DOCK2: variants seen among roughly 807,000 people sequenced by gnomAD.
DOCK2 encodes dedicator of cytokinesis protein 2.
DOCK2 carries 87 observed loss-of-function variants against 248.9 expected under a neutral mutation model. The observed-to-expected ratio is 0.35, with a 90% CI of 0.29 to 0.42. DOCK2 has a LOEUF of 0.42. Ranked by LOEUF, DOCK2 falls within the 10% of genes least tolerant of loss-of-function variation. DOCK2 has a pLI of 1.00. For missense variants in DOCK2, 1,747 were observed against 2,300.2 expected (o/e 0.76, Z 4.92); for synonymous variants, 805 against 821.6 (o/e 0.98, Z 0.35).
chr5:169,846,602 A>T (rs1358222233), intron 27 of DOCK2, among the ~76,000 whole-genome samples: 1 of 79,312 alleles, frequency 1.3e-5, no homozygotes, highest in African/African-American at 9.5e-5. Flanking sequence ...ATATATACAC[A>T]CACATATACA....
At chr5:169,690,527 G>C (rs1760235259) in intron 9 of DOCK2, among the ~76,000 whole-genome samples, 1 of 152,206 alleles carries the variant, frequency 6.6e-6, no homozygotes, top group African/African-American at 2.4e-5. Flanking sequence ...CAGAGGCATG[G>C]AATGGGATCA....
At chr5:169,966,271 G>A (rs1199582707) in intron 27 of DOCK2, among the ~76,000 whole-genome samples, 1 of 152,128 alleles carries the variant, frequency 6.6e-6, no homozygotes, top group African/African-American at 2.4e-5. Context: ...GGCTGCAAAT[G>A]TGTACAGTAA....
chr5:169,978,697 G>A (rs1037871329), intron 27 of DOCK2, among the ~76,000 whole-genome samples: 3 of 151,936 alleles, frequency 2.0e-5, no homozygotes, highest in Admixed American at 6.6e-5. Context: ...ACCTCCCTAC[G>A]TCCCGAAGGG....
At chr5:169,943,566 A>G (rs1450464205) in intron 27 of DOCK2, among the ~76,000 whole-genome samples, 1 of 152,214 alleles carries the variant, frequency 6.6e-6, no homozygotes, top group Non-Finnish European at 1.5e-5. Flanking sequence ...TTTTCACAAG[A>G]TTACACATGC....
intron 27 of DOCK2, among the ~76,000 whole-genome samples, chr5:169,913,932 TTG>T (rs1774741695): frequency 1.3e-5 from 2 of 152,208 alleles, no homozygotes; most frequent in African/African-American, 4.8e-5. Context: ...GAAAATGAGA[TTG>T]TGTCCATTTC....
At chr5:169,865,503 C>A (rs1771490092) in intron 27 of DOCK2, among the ~76,000 whole-genome samples, 1 of 152,206 alleles carries the variant, frequency 6.6e-6, no homozygotes, top group Non-Finnish European at 1.5e-5. Context: ...TCTTAGACAT[C>A]CCTGTGGGCT....
intron 2 of DOCK2, among the ~76,000 whole-genome samples, chr5:169,655,823 G>A (rs1758079962): frequency 6.6e-6 from 1 of 152,160 alleles, no homozygotes; most frequent in African/African-American, 2.4e-5. Flanking sequence ...AATTTGATAT[G>A]TCAAGACAAC....
In DOCK2 at chr5:169,864,195, G is replaced by A. The variant is rs572187521; in HGVS notation, c.2799+23343G>A. On this transcript the variant is annotated intron_variant, in intron 27 of 51. Coordinates refer to ENST00000520908, the MANE Select transcript of DOCK2 (RefSeq NM_004946.3). ...CCCAGGGCCTTTGCAAAGAAGCAGG[G>A]CAGGCCTTAAGTGCAGTGGATTTCC... 7.0e-6 allele frequency: 9 copies of A among 1,277,204 alleles called. No homozygotes were observed. The South Asian group carries it at 1.0e-4, about 15-fold the overall frequency. The allele number at this position is 1,277,204 out of a possible 1,614,324, so 79.1% of individuals were successfully genotyped here. A position where few individuals can be genotyped will look rare whatever the true frequency, so the allele number is the denominator to read the frequency against.
chr5:169,778,176 A>G (rs1765489641), intron 25 of DOCK2, among the ~76,000 whole-genome samples: 1 of 152,162 alleles, frequency 6.6e-6, no homozygotes, highest in Non-Finnish European at 1.5e-5. Flanking sequence ...ACAGAGGTGC[A>G]TTGTGCTGAG....
intron 27 of DOCK2, among the ~76,000 whole-genome samples, chr5:169,918,701 TC>T (rs1307782163): frequency 1.3e-5 from 2 of 152,204 alleles, no homozygotes; most frequent in Non-Finnish European, 2.9e-5. Flanking sequence ...TCACCTGAGT[TC>T]AGGGGTTTGA....
chr5:169,940,821 C>T (rs981140579), intron 27 of DOCK2, among the ~76,000 whole-genome samples: 2 of 152,192 alleles, frequency 1.3e-5, no homozygotes, highest in Non-Finnish European at 2.9e-5. Flanking sequence ...CTGTGCAGCT[C>T]GGTTCCTACC....
chr5:169,865,907 C>T (rs755801682), intron 27 of DOCK2, among the ~76,000 whole-genome samples: 2 of 152,188 alleles, frequency 1.3e-5, no homozygotes, highest in Non-Finnish European at 2.9e-5. Flanking sequence ...CTCCCAGGGC[C>T]GGGGACCCGA....
intron 25 of DOCK2, among the ~76,000 whole-genome samples, chr5:169,802,658 A>G (rs1767073060): frequency 6.6e-6 from 1 of 152,220 alleles, no homozygotes; most frequent in South Asian, 2.1e-4. Flanking sequence ...CAAAATAACT[A>G]TATGTTTTAT....
chr5:169,668,956 G>A (rs1255000341), intron 2 of DOCK2, among the ~76,000 whole-genome samples: 1 of 152,140 alleles, frequency 6.6e-6, no homozygotes, highest in Non-Finnish European at 1.5e-5. Flanking sequence ...GTTGAGGCTG[G>A]TGGACTGGAG....
At chr5:169,831,234 A>C (rs1177917734) in intron 26 of DOCK2, among the ~76,000 whole-genome samples, 1 of 151,884 alleles carries the variant, frequency 6.6e-6, no homozygotes, top group Non-Finnish European at 1.5e-5. Flanking sequence ...AAAGGTGTAT[A>C]TTACATATGG....
At position 170,076,130 on chromosome 5, in the gene DOCK2, G is replaced by A. The variant is rs773793960; in HGVS notation, c.4866+46G>A. 9 of 1,595,526 alleles carry A rather than the reference G, an allele frequency of 5.6e-6. No individual in the cohort carries two copies. The South Asian group carries it at 7.8e-5, about 14-fold the overall frequency. On this transcript the variant is annotated intron_variant, in intron 47 of 51. Transcript: ENST00000520908. ...TTGGAGGGGTGGGATTGTGCAGGGT[G>A]GGGCAGGGAAGCATGCTGGAGGCTG...
At chr5:169,942,566 A>T (rs1235425171) in intron 27 of DOCK2, among the ~76,000 whole-genome samples, 1 of 152,220 alleles carries the variant, frequency 6.6e-6, no homozygotes, top group African/African-American at 2.4e-5. Flanking sequence ...TTTCCCTCCC[A>T]AGTTCCCTCC....
At chr5:169,747,532 C>T (rs1763678047) in intron 23 of DOCK2, 28 bp downstream of exon 23, 1 of 1,578,020 alleles carries the variant, frequency 6.3e-7, no homozygotes, top group Non-Finnish European at 8.7e-7. Flanking sequence ...TAAAATCTAT[C>T]TTCTCCTTGG....
intron 33 of DOCK2, among the ~76,000 whole-genome samples, chr5:170,026,415 C>G (rs1268181397): frequency 6.6e-6 from 1 of 152,092 alleles, no homozygotes; most frequent in African/African-American, 2.4e-5. Context: ...TAAAGGTGAT[C>G]CGTGACCTCC....
Sources: gnomAD v4.1 joint callset for allele counts (sites outside exome capture counted in the v4.1 genomes callset) on GRCh38, gnomAD v4.1.1 for gene constraint, MANE v1.5 for transcripts, NCBI Gene and HGNC (gene_info 2026-07-23, HGNC 2026-07-21) for gene names.